HHLA1: variants seen among roughly 807,000 people sequenced by gnomAD.
HHLA1 encodes the protein HERV-H LTR-associating protein 1.
A neutral mutation model predicts 69.9 loss-of-function variants in HHLA1; 72 were observed. That is an observed-to-expected ratio of 1.03 (90% CI 0.85 to 1.25). HHLA1 has a LOEUF of 1.25. Ranked by LOEUF, HHLA1 falls within the 50% of genes most tolerant of loss-of-function variation. HHLA1 has a pLI of 0.00. For missense variants in HHLA1, 685 were observed against 642.2 expected (o/e 1.07, Z -0.72); for synonymous variants, 252 against 233.2 (o/e 1.08, Z -0.73).
chr8:132,083,386 A>G (rs1490853913), intron 10 of HHLA1, among the ~76,000 whole-genome samples: 9 of 151,824 alleles, frequency 5.9e-5, no homozygotes, highest in South Asian at 2.1e-4. Flanking sequence ...TGGAGTGGGT[A>G]GCCTCCGTAT....
intron 11 of HHLA1, among the ~76,000 whole-genome samples, chr8:132,079,324 G>A (rs1049170389): frequency 3.9e-5 from 6 of 152,214 alleles, no homozygotes; most frequent in African/African-American, 9.7e-5. Context: ...TGAATTTCAG[G>A]AGCGATATCG....
chr8:132,109,249 T>C (rs966662437), intron 1 of HHLA1, among the ~76,000 whole-genome samples: 1 of 152,150 alleles, frequency 6.6e-6, no homozygotes, highest in Admixed American at 6.5e-5. Context: ...AAAGCATTTG[T>C]GGAGCTCATG....
intron 15 of HHLA1, among the ~76,000 whole-genome samples, chr8:132,067,300 G>T (rs904726044): frequency 2.0e-5 from 3 of 152,178 alleles, no homozygotes; most frequent in Non-Finnish European, 1.5e-5. Context: ...TATCTTCTAT[G>T]GGATGAACTC....
intron 7 of HHLA1, among the ~76,000 whole-genome samples, chr8:132,095,200 C>T (rs1225526045): frequency 2.0e-5 from 3 of 152,182 alleles, no homozygotes; most frequent in African/African-American, 7.2e-5. Context: ...CAAATTTGAG[C>T]ACTCTCACTC....
intron 10 of HHLA1, among the ~76,000 whole-genome samples, chr8:132,087,452 T>C (rs1478126990): frequency 1.3e-5 from 2 of 152,140 alleles, no homozygotes; most frequent in East Asian, 1.9e-4. Flanking sequence ...CTTATTGCCA[T>C]GTGTTGGGGG....
At chr8:132,070,647 T>C (rs1301902367) in intron 15 of HHLA1, among the ~76,000 whole-genome samples, 1 of 151,852 alleles carries the variant, frequency 6.6e-6, no homozygotes, top group Non-Finnish European at 1.5e-5. Context: ...TCATTACACC[T>C]CAACTCAACT....
chr8:132,069,379 T>G (rs1441911029), intron 15 of HHLA1, among the ~76,000 whole-genome samples: 1 of 152,202 alleles, frequency 6.6e-6, no homozygotes, highest in African/African-American at 2.4e-5. Flanking sequence ...TTTGTTTGTT[T>G]GTTTTTTATC....
chr8:132,096,437 G>GTAGTAT (rs1563748207), intron 5 of HHLA1, among the ~76,000 whole-genome samples: 1 of 152,180 alleles, frequency 6.6e-6, no homozygotes, highest in Non-Finnish European at 1.5e-5. Flanking sequence ...GACATATAAA[G>GTAGTAT]TAGTATTCAC....
chr8:132,081,555 T>A (rs1823752976), intron 10 of HHLA1, among the ~76,000 whole-genome samples: 1 of 152,186 alleles, frequency 6.6e-6, no homozygotes, highest in Non-Finnish European at 1.5e-5. Flanking sequence ...TAATAAAGGC[T>A]CATCTGTTAT....
rs993059188 is a variant in HHLA1 at position 132,093,508 on chromosome 8, C to T, written c.448+2011G>A. On this transcript the variant is annotated intron_variant, in intron 7 of 16. Transcript: ENST00000414222. The stretch of plus-strand genomic sequence containing the variant: ...CACCTTCCCCGAAGGTGTTGAGCAA[C>T]GGCAAGTTGTTGGCCTACGTGTACA... Among the ~76,000 whole-genome samples, 8 of 152,280 alleles carry T rather than the reference C, an allele frequency of 5.3e-5. No individual in the cohort carries two copies. In the South Asian group the frequency reaches 8.3e-4, roughly 16 times the overall value.
At chr8:132,087,238 T>G (rs940615784) in intron 10 of HHLA1, among the ~76,000 whole-genome samples, 2 of 151,976 alleles carry the variant, frequency 1.3e-5, no homozygotes, top group African/African-American at 4.8e-5. Flanking sequence ...GGCATGAGGG[T>G]GGGGCATGGT....
intron 12 of HHLA1, 132 bp from the exon 13 acceptor site, chr8:132,076,675 A>T (rs1190091875): frequency 2.0e-5 from 10 of 510,884 alleles, no homozygotes; most frequent in Non-Finnish European, 3.4e-5. Flanking sequence ...GGGCTTTAAG[A>T]AGCAGAGATG....
intron 1 of HHLA1, 121 bp downstream of exon 1, chr8:132,110,981 C>T (rs1824286324): frequency 6.6e-6 from 1 of 152,184 alleles, no homozygotes; most frequent in Non-Finnish European, 1.5e-5. Flanking sequence ...GCTCTCATAT[C>T]TTTCAGTATC....
intron 10 of HHLA1, chr8:132,085,499 C>T (rs912038091): frequency 4.6e-5 from 17 of 366,554 alleles, no homozygotes; most frequent in Non-Finnish European, 7.6e-5. Flanking sequence ...AACAGGAGGA[C>T]GGGGATTGAT....
At chr8:132,101,911 C>T (rs1004032646) in intron 3 of HHLA1, among the ~76,000 whole-genome samples, 4 of 152,176 alleles carry the variant, frequency 2.6e-5, no homozygotes, top group Non-Finnish European at 4.4e-5. Context: ...AGTATTGTTA[C>T]CTATTGTTAT....
At chr8:132,077,068 C>A (rs1387780788) in intron 12 of HHLA1, among the ~76,000 whole-genome samples, 2 of 151,984 alleles carry the variant, frequency 1.3e-5, no homozygotes, top group East Asian at 1.9e-4. Flanking sequence ...TGGCCTCTGG[C>A]GAAACCAGCA....
intron 15 of HHLA1, chr8:132,069,902 G>C (rs1823501581): frequency 6.4e-6 from 1 of 155,092 alleles, no homozygotes; most frequent in Admixed American, 6.4e-5. Flanking sequence ...GCTTAACCTA[G>C]ACAATACAGA....
At chr8:132,085,559 C>T (rs576472307) in intron 10 of HHLA1, 7 of 273,032 alleles carry the variant, frequency 2.6e-5, no homozygotes, top group South Asian at 1.0e-4. Context: ...ATTTCATGCG[C>T]GTCCGTGTGA....
At chr8:132,096,116 G>A (rs1330630509) in intron 5 of HHLA1, among the ~76,000 whole-genome samples, 1 of 152,190 alleles carries the variant, frequency 6.6e-6, no homozygotes. Flanking sequence ...GCAGAAATTT[G>A]TTCTCTCACA....
Sources: gnomAD v4.1 joint callset for allele counts (sites outside exome capture counted in the v4.1 genomes callset) on GRCh38, gnomAD v4.1.1 for gene constraint, MANE v1.5 for transcripts, NCBI Gene and HGNC (gene_info 2026-07-23, HGNC 2026-07-21) for gene names.